The following SGCD variants were observed in gnomAD, a reference collection of about 807,000 sequenced individuals.
SGCD encodes the protein sarcoglycan delta.
SGCD carries 18 observed loss-of-function variants against 36.6 expected under a neutral mutation model. The observed-to-expected ratio is 0.49, with a 90% CI of 0.34 to 0.73. The LOEUF is 0.73. Among genes scored for constraint, SGCD ranks in the 30% least tolerant of loss-of-function variants. The pLI is 0.01. For missense variants in SGCD, 387 were observed against 346.7 expected (o/e 1.12, Z -0.92); for synonymous variants, 133 against 130.6 (o/e 1.02, Z -0.12).
intron 7 of SGCD, among the ~76,000 whole-genome samples, chr5:156,719,981 C>T (rs1755415797): frequency 6.6e-6 from 1 of 152,144 alleles, no homozygotes; most frequent in Non-Finnish European, 1.5e-5. Flanking sequence ...CACTCTCTAA[C>T]AGAGGCCCAC....
rs374480601 is a variant in SGCD, at chr5:156,067,912, C to T, written c.-281-49966C>T. On this transcript the variant is annotated intron_variant, in intron 1 of 9. Coordinates refer to the SGCD transcript ENST00000517913. ...AAATCACCGTCTTCTGCGTCGCTCA[C>T]GCTGGGAGCTGTAGACCGGAGCTGT... is the stretch of plus-strand genomic sequence containing the variant. Among the ~76,000 whole-genome samples, 8 of 128,836 alleles carry T rather than the reference C, an allele frequency of 6.2e-5. No individual in the cohort carries two copies. The East Asian group carries it at 9.9e-4, about 16-fold the overall frequency. The allele number at this position is 128,836 out of a possible 152,430, so 84.5% of individuals were successfully genotyped here.
chr5:155,952,408 A>G (rs1310882853), intron 1 of SGCD, among the ~76,000 whole-genome samples: 2 of 151,630 alleles, frequency 1.3e-5, no homozygotes, highest in Non-Finnish European at 2.9e-5. Flanking sequence ...GTTGGCCTTT[A>G]GGTGTGGTGT....
intron 3 of SGCD, among the ~76,000 whole-genome samples, chr5:156,473,880 CA>C (rs1375211038): frequency 6.6e-6 from 1 of 151,748 alleles, no homozygotes; most frequent in Non-Finnish European, 1.5e-5. Context: ...CTGTATGTGT[CA>C]AGAAGTAACC....
At chr5:156,341,143 A>G (rs1768631016) in intron 2 of SGCD, among the ~76,000 whole-genome samples, 1 of 152,144 alleles carries the variant, frequency 6.6e-6, no homozygotes, top group Non-Finnish European at 1.5e-5. Flanking sequence ...ATTCCTGCTC[A>G]GCTTCTAATT....
intron 3 of SGCD, among the ~76,000 whole-genome samples, chr5:156,503,427 GTGTTAGGCTTAGGATTAAGGA>G (rs1410130969): frequency 6.6e-6 from 1 of 152,098 alleles, no homozygotes; most frequent in Admixed American, 6.5e-5. Context: ...AAAATGAATG[GTGTTAGGCTTAGGATTAAGGA>G]TGGTTCTATC....
the SGCD span, among the ~76,000 whole-genome samples, chr5:155,743,678 AG>A: frequency 6.6e-6 from 1 of 152,264 alleles, no homozygotes; most frequent in African/African-American, 2.4e-5. Context: ...ATGCACTGCT[AG>A]GCCTGGAGCA....
At chr5:156,383,192 G>A (rs1771075238) in intron 3 of SGCD, among the ~76,000 whole-genome samples, 2 of 152,114 alleles carry the variant, frequency 1.3e-5, no homozygotes, top group Admixed American at 1.3e-4. Flanking sequence ...TATCAACATG[G>A]AAAGTTTGAT....
chr5:156,139,916 A>G (rs1762538019), intron 3 of SGCD, among the ~76,000 whole-genome samples: 2 of 152,168 alleles, frequency 1.3e-5, no homozygotes, highest in African/African-American at 2.4e-5. Flanking sequence ...ACACCTTTGT[A>G]AAAGGGCTTG....
At chr5:156,736,544 G>A (rs1756376196) in intron 7 of SGCD, among the ~76,000 whole-genome samples, 2 of 151,766 alleles carry the variant, frequency 1.3e-5, no homozygotes, top group African/African-American at 4.9e-5. Context: ...ACCCCCAGAG[G>A]AATGCACTAA....
intron 3 of SGCD, among the ~76,000 whole-genome samples, chr5:156,165,149 G>A (rs561117543): frequency 2.0e-5 from 3 of 152,134 alleles, no homozygotes; most frequent in East Asian, 1.9e-4. Flanking sequence ...CAGGAGTTCC[G>A]GAGGGAAGGG....
At chr5:156,689,117 A>G (rs754955798) in intron 7 of SGCD, among the ~76,000 whole-genome samples, 1 of 152,208 alleles carries the variant, frequency 6.6e-6, no homozygotes, top group African/African-American at 2.4e-5. Context: ...AGTTAATAGT[A>G]TGGGATTGTA....
At chr5:155,823,586 C>G in the SGCD span, among the ~76,000 whole-genome samples, 1 of 152,114 alleles carries the variant, frequency 6.6e-6, no homozygotes, top group African/African-American at 2.4e-5. Context: ...GGGAATCCGC[C>G]CATGAGCTGA....
At chr5:155,891,071 T>C (rs756965887) in intron 1 of SGCD, among the ~76,000 whole-genome samples, 5 of 152,110 alleles carry the variant, frequency 3.3e-5, no homozygotes, top group Non-Finnish European at 5.9e-5. Flanking sequence ...GGGAGGAACA[T>C]GACATGTGTT....
intron 6 of SGCD, among the ~76,000 whole-genome samples, chr5:156,604,844 A>G (rs957076077): frequency 6.7e-6 from 1 of 148,644 alleles, no homozygotes; most frequent in African/African-American, 2.5e-5. Context: ...TCACACATAT[A>G]TACATATATA....
intron 3 of SGCD, among the ~76,000 whole-genome samples, chr5:156,205,754 A>G (rs1161482183): frequency 6.6e-6 from 1 of 151,924 alleles, no homozygotes; most frequent in African/African-American, 2.4e-5. Context: ...TGTTAACATC[A>G]ATAGTCCTAA....
intron 3 of SGCD, among the ~76,000 whole-genome samples, chr5:156,401,541 A>C (rs1208210302): frequency 1.3e-5 from 2 of 152,230 alleles, no homozygotes. Context: ...CATTGTCAAA[A>C]AGAAGATACT....
At chr5:156,178,030 C>T (rs1763514110) in intron 3 of SGCD, among the ~76,000 whole-genome samples, 1 of 152,168 alleles carries the variant, frequency 6.6e-6, no homozygotes, top group Admixed American at 6.5e-5. Flanking sequence ...TAAGTGTGAT[C>T]AGAGCACTGA....
At chr5:156,546,862 A>G (rs908742165) in intron 4 of SGCD, among the ~76,000 whole-genome samples, 1 of 152,160 alleles carries the variant, frequency 6.6e-6, no homozygotes, top group Admixed American at 6.5e-5. Context: ...TTTGGTGGAG[A>G]GGGAGCTTAG....
intron 6 of SGCD, among the ~76,000 whole-genome samples, chr5:156,616,588 C>G (rs1349846308): frequency 6.6e-6 from 1 of 152,092 alleles, no homozygotes; most frequent in Non-Finnish European, 1.5e-5. Context: ...TTGCTGAGCT[C>G]CTAACACAAT....
Sources: allele counts gnomAD v4.1 joint callset (sites outside exome capture counted in the v4.1 genomes callset), GRCh38; gene constraint gnomAD v4.1.1; transcripts MANE v1.5; gene names NCBI Gene and HGNC (gene_info 2026-07-23, HGNC 2026-07-21).